NLK: variants seen among roughly 807,000 people sequenced by gnomAD.
NLK encodes the protein serine/threonine-protein kinase NLK.
A neutral mutation model predicts 59.0 loss-of-function variants in NLK; 11 were observed. The observed-to-expected ratio is 0.19, with a 90% CI of 0.12 to 0.31. The LOEUF (loss-of-function observed/expected upper bound fraction) is 0.31, where lower values mean the gene tolerates loss of function less well. Ranked by LOEUF, NLK falls within the 10% of genes least tolerant of loss-of-function variation. The pLI, the probability that NLK is intolerant of heterozygous loss-of-function variation, is 1.00. For synonymous variants in NLK, 235 were observed against 235.9 expected, an observed-to-expected ratio of 1.00 and a Z score of 0.03; for missense variants, 410 against 661.1, an observed-to-expected ratio of 0.62 and a Z score of 4.16.
intron 1 of NLK, among the ~76,000 whole-genome samples, chr17:28,115,535 A>T (rs1252063150): frequency 6.6e-6 from 1 of 152,204 alleles, no homozygotes; most frequent in African/African-American, 2.4e-5. Context: ...TACACTATGT[A>T]AATTACTGTA....
chr17:28,092,972 T>A (rs1597675746), intron 1 of NLK, among the ~76,000 whole-genome samples: 1 of 152,012 alleles, frequency 6.6e-6, no homozygotes, highest in Admixed American at 6.6e-5. Flanking sequence ...ATTTTTGTAT[T>A]TTAGTAGAGA....
intron 1 of NLK, among the ~76,000 whole-genome samples, chr17:28,081,064 T>C (rs1427283386): frequency 1.3e-5 from 2 of 151,860 alleles, no homozygotes; most frequent in East Asian, 1.9e-4. Flanking sequence ...TTTTTTTTTT[T>C]TCTTTTGTAA....
the NLK span, among the ~76,000 whole-genome samples, chr17:28,201,541 C>CA: frequency 1.4e-4 from 20 of 145,294 alleles, no homozygotes; most frequent in South Asian, 6.5e-4. Flanking sequence ...GATTCCATGT[C>CA]AAAAAAAAAG....
chr17:28,199,260 G>A (rs919818249), downstream of NLK, among the ~76,000 whole-genome samples: 3 of 152,174 alleles, frequency 2.0e-5, no homozygotes, highest in African/African-American at 4.8e-5. Flanking sequence ...TGCTGAGAAC[G>A]TGAAATGGTG....
At chr17:28,076,118 G>A (rs1013070978) in intron 1 of NLK, among the ~76,000 whole-genome samples, 6 of 152,098 alleles carry the variant, frequency 3.9e-5, no homozygotes, top group African/African-American at 1.4e-4. Flanking sequence ...AAAGGATTGT[G>A]AGCTCTTTCA....
In NLK at chr17:28,163,530, T is replaced by C. The variant is rs1254877487; in HGVS notation, c.752-13T>C. ...AATTAAATATCTGCAATTAAATCTG[T>C]TTGTTATTTCAGGTTTGAAATATCT... On this transcript the variant is annotated splice_polypyrimidine_tract_variant and intron_variant, in intron 4 of 10. Coordinates refer to ENST00000407008, the MANE Select transcript of NLK (RefSeq NM_016231.5). 1 of 1,508,672 alleles carries C rather than the reference T, an allele frequency of 6.6e-7. No individual in the cohort carries two copies. Among genetic ancestry groups the C allele is most frequent in the Non-Finnish European group, 9.1e-7 (1 of 1,093,688 alleles). 93.5% of individuals were successfully genotyped at this position (1,508,672 alleles called of 1,614,324 possible).
At chr17:28,158,581 G>A (rs1198188654) in intron 3 of NLK, among the ~76,000 whole-genome samples, 5 of 151,818 alleles carry the variant, frequency 3.3e-5, no homozygotes, top group African/African-American at 1.2e-4. Context: ...TTACTCTTTT[G>A]TAATAACACT....
At chr17:28,098,673 TTC>T (rs1904790364) in intron 1 of NLK, among the ~76,000 whole-genome samples, 1 of 148,494 alleles carries the variant, frequency 6.7e-6, no homozygotes, top group Non-Finnish European at 1.5e-5. Context: ...TTCATTACCA[TTC>T]TTTTTTTTTT....
At chr17:28,167,967 T>C (rs1284316875) in intron 5 of NLK, among the ~76,000 whole-genome samples, 17 of 152,114 alleles carry the variant, frequency 1.1e-4, no homozygotes, top group Admixed American at 1.1e-3. Context: ...ACTTTTTTCC[T>C]CTCTTAACCA....
intron 1 of NLK, among the ~76,000 whole-genome samples, chr17:28,093,433 T>A (rs562989493): frequency 1.3e-5 from 2 of 152,198 alleles, no homozygotes; most frequent in South Asian, 4.1e-4. Context: ...AACTACATAT[T>A]CCCCTTACTC....
Position 28,044,535 on chromosome 17 carries a change from C to A in NLK, c.458+1204C>A, listed in dbSNP as rs116482593. 6.4e-3 allele frequency among the ~76,000 whole-genome samples: 967 copies of A among 152,078 alleles called. 12 individuals are homozygous for A. Among genetic ancestry groups the A allele is most frequent in the African/African-American group, 0.022 (924 of 41,468 alleles). ...GAGTCCAGTGTTTTCTCAGCTAGTC[C>A]CCAAGGAAGTTTCTGCTGCAGCGTG... On this transcript the variant is annotated intron_variant, in intron 1 of 10. Transcript: ENST00000407008.
chr17:28,097,127 A>G (rs1904729566), intron 1 of NLK, among the ~76,000 whole-genome samples: 1 of 152,214 alleles, frequency 6.6e-6, no homozygotes, highest in Admixed American at 6.5e-5. Flanking sequence ...TGTTTGGGAT[A>G]TAACTTAAAA....
At chr17:28,056,652 G>A (rs970649708) in intron 1 of NLK, among the ~76,000 whole-genome samples, 4 of 152,098 alleles carry the variant, frequency 2.6e-5, no homozygotes, top group African/African-American at 7.2e-5. Context: ...CAAGATTTTT[G>A]GTGAAGAACA....
intron 1 of NLK, among the ~76,000 whole-genome samples, chr17:28,111,897 GT>G (rs1567717077): frequency 2.2e-4 from 7 of 31,216 alleles, no homozygotes; most frequent in East Asian, 1.4e-3. Context: ...TGTGTGTGTG[GT>G]GTGTGTGTGT....
In NLK at chr17:28,170,526, G is replaced by A. The variant is rs1346287002; in HGVS notation, c.1047+1869G>A. Among the ~76,000 whole-genome samples the A allele has an allele frequency of 1.3e-5, 2 of 151,954 alleles. 1 individual carries two copies. Among genetic ancestry groups the A allele is most frequent in the African/African-American group, 4.8e-5 (2 of 41,364 alleles). ...AGTTTACATCTTAAAAATTGATTCTGGTGTTAAAAAAATTATGTACATATA... is the reference window on the plus strand; with the variant it reads ...AGTTTACATCTTAAAAATTGATTCTAGTGTTAAAAAAATTATGTACATATA... On this transcript the variant is annotated intron_variant, in intron 6 of 10. Coordinates refer to ENST00000407008, the MANE Select transcript of NLK (RefSeq NM_016231.5).
chr17:28,200,485 TATTA>T (rs1472728106), downstream of NLK, among the ~76,000 whole-genome samples: 1 of 152,156 alleles, frequency 6.6e-6, no homozygotes, highest in African/African-American at 2.4e-5. Context: ...ACTTTATTAT[TATTA>T]ATTTTTTGTT....
chr17:28,173,887 T>A (rs1908568409), intron 7 of NLK, among the ~76,000 whole-genome samples: 1 of 152,210 alleles, frequency 6.6e-6, no homozygotes, highest in South Asian at 2.1e-4. Flanking sequence ...TCTTGCCTGG[T>A]TCAAGGTAAA....
intron 3 of NLK, 101 bp downstream of exon 3, chr17:28,132,776 A>C: frequency 2.7e-3 from 2,626 of 957,634 alleles, no homozygotes; most frequent in Non-Finnish European, 3.5e-3. Context: ...TTTAAATCTC[A>C]TCCTTGCAGA....
chr17:28,058,099 A>G (rs992007610), intron 1 of NLK, among the ~76,000 whole-genome samples: 1 of 152,226 alleles, frequency 6.6e-6, no homozygotes, highest in East Asian at 1.9e-4. Flanking sequence ...CTATTTCACT[A>G]CATAGTTTCG....
Sources: allele counts gnomAD v4.1 joint callset (sites outside exome capture counted in the v4.1 genomes callset), GRCh38; gene constraint gnomAD v4.1.1; transcripts MANE v1.5; gene names NCBI Gene and HGNC (gene_info 2026-07-23, HGNC 2026-07-21).